The following ZBBX variants were observed in gnomAD, a reference collection of about 807,000 sequenced individuals.
ZBBX encodes the protein zinc finger B-box domain-containing protein 1.
Under a neutral mutation model 108.5 loss-of-function variants are expected in ZBBX, and 101 were observed. That is an observed-to-expected ratio of 0.93 (90% CI 0.79 to 1.10). The LOEUF (loss-of-function observed/expected upper bound fraction) is 1.10. Among genes scored for constraint, ZBBX ranks in the 50% least tolerant of loss-of-function variants. The pLI, the probability that ZBBX is intolerant of heterozygous loss-of-function variation, is 0.00. For synonymous variants in ZBBX, 356 were observed against 323.4 expected (o/e 1.10, Z -1.08); for missense variants, 1,009 against 941.4 (o/e 1.07, Z -0.94).
At chr3:167,307,147 T>A (rs865886653) in intron 16 of ZBBX, among the ~76,000 whole-genome samples, 5 of 151,694 alleles carry the variant, frequency 3.3e-5, no homozygotes, top group Non-Finnish European at 5.9e-5. Context: ...ATAAGAACCA[T>A]ATATAACAAA....
rs1224543608 is a variant in ZBBX at position 167,315,850 on chromosome 3, T to C, written c.1195-21A>G. The C allele has an allele frequency of 2.1e-6, 3 of 1,446,580 alleles. No individual in the cohort carries two copies. In the Admixed American group the frequency reaches 5.6e-5, roughly 27 times the overall value. 89.6% of individuals were successfully genotyped at this position (1,446,580 alleles called of 1,614,324 possible). A position where few individuals can be genotyped will look rare whatever the true frequency, so the allele number is the denominator to read the frequency against. ...TAAGTCTTATTAAATTAATGTTATA[T>C]AATATTAGTAAGTTCATAAAAATTT... On this transcript the variant is annotated intron_variant, in intron 14 of 21. Transcript: ENST00000675490.
chr3:167,178,625 G>A, the ZBBX span, among the ~76,000 whole-genome samples: 4 of 152,110 alleles, frequency 2.6e-5, no homozygotes, highest in Non-Finnish European at 5.9e-5. Context: ...ATGTCTCAAC[G>A]GCACCCAAAT....
intron 8 of ZBBX, among the ~76,000 whole-genome samples, chr3:167,355,828 A>T (rs1420824636): frequency 6.6e-6 from 1 of 152,014 alleles, no homozygotes; most frequent in Non-Finnish European, 1.5e-5. Flanking sequence ...CATTTTAAAG[A>T]ATGTTTAAAT....
rs1472565609 is a variant in ZBBX at position 167,240,151 on chromosome 3, A to G, written c.*642T>C. On this transcript the variant is annotated 3_prime_UTR_variant, in exon 22 of 22. Coordinates refer to ENST00000675490, the MANE Select transcript of ZBBX (RefSeq NM_001199201.2). ...TGAGATCTGGGTGGGGACAGAGCCA[A>G]CCCATATCATTTGGGTATTGTAGAC... The G allele has an allele frequency of 1.3e-5, 2 of 152,190 alleles. No individual in the cohort carries two copies. The highest frequency in any genetic ancestry group is 4.8e-5 in the African/African-American group (2 of 41,438). 9.4% of individuals were successfully genotyped at this position (152,190 alleles called of 1,614,324 possible).
At chr3:167,254,623 C>T (rs377056973) in intron 20 of ZBBX, among the ~76,000 whole-genome samples, 7 of 151,828 alleles carry the variant, frequency 4.6e-5, no homozygotes, top group African/African-American at 1.5e-4. Context: ...TTTAAAGAGA[C>T]GCCAACATAA....
At chr3:167,235,276 T>A (rs976547627), downstream of ZBBX, among the ~76,000 whole-genome samples, 2 of 151,622 alleles carry the variant, frequency 1.3e-5, no homozygotes, top group African/African-American at 4.8e-5. Flanking sequence ...ATTTCCTGCT[T>A]GCACCTCCAG....
the ZBBX span, among the ~76,000 whole-genome samples, chr3:167,191,421 A>T: frequency 3.3e-5 from 5 of 152,116 alleles, no homozygotes; most frequent in African/African-American, 1.2e-4. Context: ...CTTGAATTGT[A>T]ACTCCCACAA....
At chr3:167,371,765 A>G (rs1424020386) in intron 4 of ZBBX, among the ~76,000 whole-genome samples, 4 of 152,188 alleles carry the variant, frequency 2.6e-5, no homozygotes. Flanking sequence ...ATACCTAAAA[A>G]TGATAATGCC....
At chr3:167,314,654 C>T (rs1284860441) in intron 15 of ZBBX, among the ~76,000 whole-genome samples, 1 of 151,968 alleles carries the variant, frequency 6.6e-6, no homozygotes. Flanking sequence ...CTACAGAATA[C>T]CATTATAAAA....
chr3:167,343,323 C>T (rs1030631006), intron 9 of ZBBX, among the ~76,000 whole-genome samples: 1 of 151,854 alleles, frequency 6.6e-6, no homozygotes, highest in Non-Finnish European at 1.5e-5. Context: ...AGCCCCTGTA[C>T]TGCCACTACC....
intron 19 of ZBBX, among the ~76,000 whole-genome samples, chr3:167,284,905 CACA>C (rs1369126033): frequency 6.6e-6 from 1 of 151,934 alleles, no homozygotes; most frequent in Non-Finnish European, 1.5e-5. Flanking sequence ...TAAGATATAA[CACA>C]ACATTAACAC....
intron 20 of ZBBX, among the ~76,000 whole-genome samples, chr3:167,255,357 G>A (rs1332855954): frequency 6.6e-6 from 1 of 151,858 alleles, no homozygotes; most frequent in Non-Finnish European, 1.5e-5. Context: ...ACCATCAAGA[G>A]ATGAAATCAA....
chr3:167,350,375 C>A, intron 9 of ZBBX, 45 bp downstream of exon 9: 2 of 1,447,642 alleles, frequency 1.4e-6, no homozygotes, highest in Non-Finnish European at 1.9e-6. Context: ...TATGTGGAAA[C>A]ATTTTATAAA....
At chr3:167,348,346 A>AAGAAAGAAAGAAAG (rs1553832729) in intron 9 of ZBBX, among the ~76,000 whole-genome samples, 35 of 115,750 alleles carry the variant, frequency 3.0e-4, no homozygotes, top group African/African-American at 1.2e-3. Flanking sequence ...GAAAGAAAGA[A>AAGAAAGAAAGAAAG]AGAAAGAAAG....
chr3:167,396,351 T>C (rs1305164445), intron 1 of ZBBX, among the ~76,000 whole-genome samples: 1 of 151,950 alleles, frequency 6.6e-6, no homozygotes, highest in Non-Finnish European at 1.5e-5. Flanking sequence ...TCAGGATTTC[T>C]ATGCTGTGCA....
chr3:167,369,303 A>G (rs992016593), intron 4 of ZBBX, among the ~76,000 whole-genome samples: 1 of 152,244 alleles, frequency 6.6e-6, no homozygotes, highest in Non-Finnish European at 1.5e-5. Context: ...TCAATATTAC[A>G]TTAGTGTTTT....
At chr3:167,403,829 G>C (rs953441684) in intron 1 of ZBBX, among the ~76,000 whole-genome samples, 11 of 151,968 alleles carry the variant, frequency 7.2e-5, no homozygotes, top group South Asian at 6.2e-4. Flanking sequence ...ATATAAAATA[G>C]AATGCTAACT....
chr3:167,224,831 C>G, the ZBBX span, among the ~76,000 whole-genome samples: 1 of 151,838 alleles, frequency 6.6e-6, no homozygotes, highest in African/African-American at 2.4e-5. Context: ...GTGCCATTTT[C>G]CACTGTTCTC....
chr3:167,260,547 C>T (rs1724318568), intron 20 of ZBBX, among the ~76,000 whole-genome samples: 1 of 152,004 alleles, frequency 6.6e-6, no homozygotes, highest in Admixed American at 6.6e-5. Context: ...TTTGCTTTGT[C>T]TTTGTTGGAT....
Sources: allele counts gnomAD v4.1 joint callset (sites outside exome capture counted in the v4.1 genomes callset), GRCh38; gene constraint gnomAD v4.1.1; transcripts MANE v1.5; gene names NCBI Gene and HGNC (gene_info 2026-07-23, HGNC 2026-07-21).